The following EVI5 variants were observed in gnomAD, a reference collection of about 807,000 sequenced individuals.
EVI5 encodes the protein ecotropic viral integration site 5 protein homolog.
A neutral mutation model predicts 112.0 loss-of-function variants in EVI5; 73 were observed. The ratio of observed to expected loss-of-function variants is 0.65; its 90% CI spans 0.54 to 0.79. The LOEUF (loss-of-function observed/expected upper bound fraction) is 0.79. EVI5 is among the 30% of genes least tolerant of loss of function. The pLI is 0.00. For missense variants in EVI5, 900 were observed against 968.8 expected, an observed-to-expected ratio of 0.93 and a Z score of 0.94; for synonymous variants, 305 against 319.9, an observed-to-expected ratio of 0.95 and a Z score of 0.50.
At chr1:92,695,514 T>C (rs1670181349) in intron 6 of EVI5, 61 bp from the exon 7 acceptor site, 5 of 1,108,302 alleles carry the variant, frequency 4.5e-6, no homozygotes, top group East Asian at 2.6e-5. Context: ...AATTAGATTA[T>C]ATTTATACTA....
At chr1:92,611,478 C>T (rs1186627459) in intron 16 of EVI5, among the ~76,000 whole-genome samples, 2 of 150,512 alleles carry the variant, frequency 1.3e-5, no homozygotes, top group Non-Finnish European at 3.0e-5. Context: ...GCAGGCGGAT[C>T]ACAAGGTCAG....
chr1:92,533,186 T>C (rs1663202839), intron 19 of EVI5, among the ~76,000 whole-genome samples: 1 of 151,510 alleles, frequency 6.6e-6, no homozygotes, highest in African/African-American at 2.4e-5. Flanking sequence ...AACTAGAAAA[T>C]CCAGAATAAA....
chr1:92,748,714 AAC>A (rs1491075255), intron 1 of EVI5, among the ~76,000 whole-genome samples: 3 of 143,930 alleles, frequency 2.1e-5, no homozygotes, highest in Admixed American at 7.0e-5. Flanking sequence ...TTGAGAAAAA[AAC>A]ATCTTTTCAC....
Position 92,683,176 on chromosome 1 carries a change from CTTCTGAATTCTAATTCAGAAATTTT to C in EVI5, c.1098-5983_1098-5959del, listed in dbSNP as rs539435581. Among the ~76,000 whole-genome samples the C allele has an allele frequency of 2.9e-3, 447 of 152,258 alleles. 3 individuals are homozygous for C. Among genetic ancestry groups the C allele is most frequent in the African/African-American group, 7.8e-3 (325 of 41,546 alleles). On this transcript the variant is annotated intron_variant, in intron 9 of 19. Transcript: ENST00000684568. ...AATCTGCCCCATGATCACAATTCTA[CTTCTGAATTCTAATTCAGAAATTTT>C]TTCTGAATTCTAATTCAGAACACCA...
At chr1:92,785,493 C>G (rs751368678), upstream of EVI5, among the ~76,000 whole-genome samples, 2 of 152,168 alleles carry the variant, frequency 1.3e-5, no homozygotes, top group Non-Finnish European at 2.9e-5. Context: ...GCCCCGAGCT[C>G]CCCCAGAGGT....
At chr1:92,675,522 G>A (rs1666582282) in intron 10 of EVI5, among the ~76,000 whole-genome samples, 1 of 151,876 alleles carries the variant, frequency 6.6e-6, no homozygotes, top group Admixed American at 6.6e-5. Context: ...GAAATGAACA[G>A]GATGGCTTCC....
chr1:92,780,311 TTC>T (rs1684701214), intron 1 of EVI5, among the ~76,000 whole-genome samples: 1 of 152,256 alleles, frequency 6.6e-6, no homozygotes, highest in Non-Finnish European at 1.5e-5. Flanking sequence ...TTGGGTATTC[TTC>T]ATAGCAGCAT....
intron 18 of EVI5, among the ~76,000 whole-genome samples, chr1:92,602,620 C>T (rs1315110758): frequency 2.6e-5 from 4 of 152,118 alleles, no homozygotes; most frequent in African/African-American, 7.2e-5. Context: ...TTGCCCAGGC[C>T]GGTCTTGAAC....
intron 1 of EVI5, among the ~76,000 whole-genome samples, chr1:92,773,508 G>A (rs904379452): frequency 6.6e-5 from 10 of 151,766 alleles, no homozygotes; most frequent in African/African-American, 2.4e-4. Context: ...AAGTGCGGTG[G>A]CACAAACCCT....
intron 18 of EVI5, among the ~76,000 whole-genome samples, chr1:92,599,066 TATAA>T (rs1422235626): frequency 4.6e-5 from 7 of 151,670 alleles, no homozygotes; most frequent in Non-Finnish European, 1.0e-4. Context: ...ATAGCATGTA[TATAA>T]ATATACTATA....
At chr1:92,782,096 T>C (rs1684940906) in intron 1 of EVI5, among the ~76,000 whole-genome samples, 1 of 150,396 alleles carries the variant, frequency 6.6e-6, no homozygotes, top group African/African-American at 2.4e-5. Flanking sequence ...CTGTCTCTAC[T>C]AAAAATACAA....
intron 13 of EVI5, among the ~76,000 whole-genome samples, chr1:92,645,482 C>G (rs574708530): frequency 2.0e-5 from 3 of 152,214 alleles, no homozygotes; most frequent in Non-Finnish European, 4.4e-5. Context: ...CTATCAAGCT[C>G]TACACATTTC....
intron 18 of EVI5, among the ~76,000 whole-genome samples, chr1:92,604,259 C>G (rs1557881343): frequency 6.6e-6 from 1 of 151,552 alleles, no homozygotes; most frequent in Non-Finnish European, 1.5e-5. Flanking sequence ...ACTCGGGAAG[C>G]TGATGAGGAC....
At chr1:92,783,371 C>CAAA (rs11384853) in intron 1 of EVI5, among the ~76,000 whole-genome samples, 10 of 136,364 alleles carry the variant, frequency 7.3e-5, no homozygotes, top group African/African-American at 1.6e-4. Context: ...ACTAAAAATA[C>CAAA]AAAAAAAAAA....
chr1:92,631,815 G>A (rs971881914), intron 14 of EVI5, among the ~76,000 whole-genome samples: 4 of 152,106 alleles, frequency 2.6e-5, no homozygotes, highest in Non-Finnish European at 5.9e-5. Context: ...TTGGCTGTGG[G>A]TTTGTCATAA....
At chr1:92,522,022 G>T (rs1225688516) in intron 19 of EVI5, among the ~76,000 whole-genome samples, 1 of 152,152 alleles carries the variant, frequency 6.6e-6, no homozygotes, top group East Asian at 1.9e-4. Flanking sequence ...CATTACACAT[G>T]TTGTTTAATA....
intron 13 of EVI5, among the ~76,000 whole-genome samples, chr1:92,650,430 T>G (rs533708229): frequency 6.7e-6 from 1 of 150,306 alleles, no homozygotes. Flanking sequence ...TTTATTCTTA[T>G]GCATTTTATT....
At chr1:92,755,757 G>A (rs1680862575) in intron 1 of EVI5, 1 of 152,446 alleles carries the variant, frequency 6.6e-6, no homozygotes, top group Admixed American at 6.5e-5. Context: ...GGCTGTGAGG[G>A]CCTCGGGGCG....
chr1:92,693,808 A>AT lies in EVI5; in HGVS notation c.1090dup (p.Met364AsnfsTer5), dbSNP rs760182064. 5.5e-5 allele frequency: 86 copies of AT among 1,557,154 alleles called. No individual in the cohort carries two copies. Among genetic ancestry groups the AT allele is most frequent in the African/African-American group, 8.2e-5 (6 of 73,282 alleles). On this transcript the variant is annotated frameshift_variant, in exon 9 of 20. Transcript: ENST00000684568. LOFTEE classifies it high-confidence loss of function. ...AAAAATATAAAATACTTACTTTTTC[A>AT]TTTTTTTTGAATTGTATTTGACTTG...
Sources: gnomAD v4.1 joint callset for allele counts (sites outside exome capture counted in the v4.1 genomes callset) on GRCh38, gnomAD v4.1.1 for gene constraint, MANE v1.5 for transcripts, NCBI Gene and HGNC (gene_info 2026-07-23, HGNC 2026-07-21) for gene names.